The following COP1 variants were observed in gnomAD, a reference collection of about 807,000 sequenced individuals.
COP1 encodes E3 ubiquitin-protein ligase COP1.
Under a neutral mutation model 101.3 loss-of-function variants are expected in COP1, and 24 were observed. The observed-to-expected ratio is 0.24, with a 90% CI of 0.17 to 0.33. COP1 has a LOEUF of 0.33. Among genes scored for constraint, COP1 ranks in the 10% least tolerant of loss-of-function variants. The pLI is 1.00. For missense variants in COP1, 663 were observed against 906.2 expected (o/e 0.73, Z 3.45); for synonymous variants, 347 against 341.9 (o/e 1.01, Z -0.17).
Position 175,988,337 on chromosome 1 carries a change from A to G in COP1, c.1923T>C (p.Asn641=), listed in dbSNP as rs1410807336. The change falls in exon 17 of 20, where the codon AAT becomes AAC. Residue 641 remains asparagine (N), a synonymous_variant. Coordinates refer to ENST00000367669, the MANE Select transcript of COP1 (RefSeq NM_022457.7). Reference sequence around the variant, plus strand: ...AAGCCAGGCCTACAAAGTTTTTTTCATTGATATGACCCTTGAAGGAACGTA... The same window carrying G: ...AAGCCAGGCCTACAAAGTTTTTTTCGTTGATATGACCCTTGAAGGAACGTA... ...YCLRSFKGHI[N]EKNFVGLASN... The G allele has an allele frequency of 1.9e-6, 3 of 1,612,596 alleles. No homozygotes were observed. The highest frequency in any genetic ancestry group is 1.1e-5 in the South Asian group (1 of 90,980).
rs372032611 is a variant in COP1, at chr1:176,069,297, A to G, written c.1277+11855T>C. On this transcript the variant is annotated intron_variant, in intron 11 of 19. Coordinates refer to ENST00000367669, the MANE Select transcript of COP1 (RefSeq NM_022457.7). ...TATGTTAGTGCAGCATCCTATCTTT[A>G]AAATCAAGCACAGAAAGAATAATCT... Among the ~76,000 whole-genome samples the G allele has an allele frequency of 1.8e-3, 280 of 152,334 alleles. 11 individuals are homozygous for G. In the South Asian group the frequency reaches 0.055, roughly 30 times the overall value.
At chr1:176,068,204 T>G (rs1676354061) in intron 11 of COP1, among the ~76,000 whole-genome samples, 1 of 152,206 alleles carries the variant, frequency 6.6e-6, no homozygotes, top group Admixed American at 6.5e-5. Flanking sequence ...AGAAATGTCT[T>G]CCTTCCTTCC....
At chr1:176,066,332 C>T (rs1675958460) in intron 11 of COP1, among the ~76,000 whole-genome samples, 1 of 152,162 alleles carries the variant, frequency 6.6e-6, no homozygotes, top group Non-Finnish European at 1.5e-5. Flanking sequence ...TGTGCCTTTT[C>T]TCCTGTCAAT....
intron 8 of COP1, among the ~76,000 whole-genome samples, chr1:176,121,642 T>C (rs1248813502): frequency 6.6e-6 from 1 of 152,200 alleles, no homozygotes; most frequent in Admixed American, 6.5e-5. Context: ...AGTTCTCCTC[T>C]AGGACAGTAT....
intron 8 of COP1, among the ~76,000 whole-genome samples, chr1:176,124,006 T>C (rs771365563): frequency 1.6e-4 from 24 of 152,296 alleles, no homozygotes; most frequent in Middle Eastern, 3.4e-3. Flanking sequence ...CGAGTCTTGG[T>C]TGACACTCAT....
intron 7 of COP1, among the ~76,000 whole-genome samples, 168 bp from the exon 8 acceptor site, chr1:176,135,254 A>T (rs1357905445): frequency 6.6e-6 from 1 of 152,120 alleles, no homozygotes; most frequent in Non-Finnish European, 1.5e-5. Context: ...AAGCAAGGAC[A>T]TGTGAAAAGT....
At chr1:176,037,197 T>C (rs1571842231) in intron 14 of COP1, among the ~76,000 whole-genome samples, 2 of 152,122 alleles carry the variant, frequency 1.3e-5, no homozygotes, top group Non-Finnish European at 2.9e-5. Flanking sequence ...GGTCAGGAGA[T>C]GGAGACCGTC....
At position 175,986,931 on chromosome 1, in the gene COP1, A is replaced by T. The variant is rs1167570822; in HGVS notation, c.2133+12T>A. ...GAGATCCCAAGGTGAAAAAACTGAT[A>T]TGAAAACTTACCCCATCTGGTAGTG... is the stretch of plus-strand genomic sequence containing the variant. On this transcript the variant is annotated intron_variant, in intron 18 of 19. Coordinates refer to ENST00000367669, the MANE Select transcript of COP1 (RefSeq NM_022457.7). 2.6e-6 allele frequency: 4 copies of T among 1,566,314 alleles called. No homozygotes were observed. The African/African-American group carries it at 5.5e-5, about 22-fold the overall frequency.
chr1:175,989,484 A>G lies in COP1; in HGVS notation c.1730-5T>C, dbSNP rs776169758. ...CATAGTAGTGGACACAGTGATCTAA[A>G]ACAAAACAAAATTAGATAAATGTAG... On this transcript the variant is annotated splice_polypyrimidine_tract_variant and splice_region_variant and intron_variant, in intron 15 of 19. Coordinates refer to ENST00000367669, the MANE Select transcript of COP1 (RefSeq NM_022457.7). 7.1e-7 allele frequency: 1 copy of G among 1,398,718 alleles called. No homozygotes were observed. The highest frequency in any genetic ancestry group is 1.2e-5 in the South Asian group (1 of 85,778). The allele number at this position is 1,398,718 out of a possible 1,614,324, so 86.6% of individuals were successfully genotyped here. A position where few individuals can be genotyped will look rare whatever the true frequency, so the allele number is the denominator to read the frequency against.
At chr1:175,988,522 GC>G in intron 16 of COP1, 110 bp from the exon 17 acceptor site, 1 of 1,049,178 alleles carries the variant, frequency 9.5e-7, no homozygotes. Context: ...AGGCTCTGGA[GC>G]CAGACTGAGT....
At chr1:176,043,674 T>G (rs1414913180) in intron 13 of COP1, 36 bp downstream of exon 13, 3 of 1,146,114 alleles carry the variant, frequency 2.6e-6, no homozygotes, top group Non-Finnish European at 3.9e-6. Context: ...ACCAAATGTA[T>G]GATTCATATA....
At chr1:175,982,842 G>T (rs921663824) in intron 18 of COP1, among the ~76,000 whole-genome samples, 3 of 152,170 alleles carry the variant, frequency 2.0e-5, no homozygotes, top group African/African-American at 7.2e-5. Flanking sequence ...CAGAGAAATA[G>T]AGAATAGAAT....
At position 176,175,923 on chromosome 1, in the gene COP1, A is replaced by C. The variant is rs1696868012; in HGVS notation, c.552T>G (p.Tyr184Ter). The stretch of plus-strand genomic sequence containing the variant: ...CCAAAGACTCACCCAAGAAATTAGG[A>C]TACAGATGGTCAATATTGTCCACAA... ...NYVVDNIDHL[Y>*]PNFLVNELIL... Residue 184 changes from tyrosine (Y) to a stop codon, truncating the protein, a stop_gained, in exon 3 of 20, where the codon TAT becomes TAG. Transcript: ENST00000367669. LOFTEE classifies it high-confidence loss of function. The C allele has an allele frequency of 6.4e-7, 1 of 1,553,344 alleles. No individual in the cohort carries two copies. The highest frequency in any genetic ancestry group is 1.4e-5 in the African/African-American group (1 of 73,512).
chr1:176,153,048 G>T (rs1387687642), intron 5 of COP1, among the ~76,000 whole-genome samples: 1 of 152,118 alleles, frequency 6.6e-6, no homozygotes, highest in South Asian at 2.1e-4. Flanking sequence ...TGTGGACACA[G>T]AGGGTTTTAG....
At chr1:176,146,007 CTTT>C (rs1691537908) in intron 6 of COP1, among the ~76,000 whole-genome samples, 1 of 152,126 alleles carries the variant, frequency 6.6e-6, no homozygotes, top group Non-Finnish European at 1.5e-5. Context: ...GGTTTATATA[CTTT>C]TTTGTGTTTT....
intron 14 of COP1, among the ~76,000 whole-genome samples, chr1:176,038,560 C>T (rs1047818278): frequency 6.6e-6 from 1 of 152,160 alleles, no homozygotes; most frequent in African/African-American, 2.4e-5. Flanking sequence ...TGGCTCATGC[C>T]TGTAATCCCA....
At chr1:176,151,397 G>GAAAGAAAGAA (rs1214655559) in intron 5 of COP1, among the ~76,000 whole-genome samples, 13 of 144,552 alleles carry the variant, frequency 9.0e-5, no homozygotes, top group Admixed American at 6.8e-5. Flanking sequence ...AAGAAAGAAA[G>GAAAGAAAGAA]AAAGAAAGAA....
chr1:176,172,037 C>T (rs1451035580), intron 3 of COP1, among the ~76,000 whole-genome samples: 1 of 152,104 alleles, frequency 6.6e-6, no homozygotes, highest in Non-Finnish European at 1.5e-5. Context: ...AATTTACTCT[C>T]TTTTTTAAAA....
chr1:176,007,730 A>G (rs1410486541), intron 15 of COP1, among the ~76,000 whole-genome samples: 1 of 152,120 alleles, frequency 6.6e-6, no homozygotes, highest in African/African-American at 2.4e-5. Context: ...TGCTGGGAGA[A>G]CCACTGCTCT....
Sources: allele counts gnomAD v4.1 joint callset (sites outside exome capture counted in the v4.1 genomes callset), GRCh38; gene constraint gnomAD v4.1.1; transcripts MANE v1.5; gene names NCBI Gene and HGNC (gene_info 2026-07-23, HGNC 2026-07-21).